Variants in PADI4 observed in about 807,000 individuals in gnomAD.
PADI4 encodes protein-arginine deiminase type-4.
Under a neutral mutation model 75.0 loss-of-function variants are expected in PADI4, and 62 were observed. The ratio of observed to expected loss-of-function variants is 0.83; its 90% CI spans 0.67 to 1.02. The LOEUF is 1.02. Ranked by LOEUF, PADI4 falls within the 50% of genes least tolerant of loss-of-function variation. The pLI is 0.00. For synonymous variants in PADI4, 361 were observed against 348.1 expected, an observed-to-expected ratio of 1.04 and a Z score of -0.41; for missense variants, 845 against 850.5, an observed-to-expected ratio of 0.99 and a Z score of 0.08.
intron 1 of PADI4, among the ~76,000 whole-genome samples, chr1:17,323,664 T>C (rs1341389087): frequency 2.0e-5 from 3 of 152,044 alleles, no homozygotes; most frequent in African/African-American, 7.2e-5. Context: ...CAAAACCCCA[T>C]CTCTACAAAA....
intron 10 of PADI4, among the ~76,000 whole-genome samples, chr1:17,350,077 A>G (rs934392236): frequency 3.2e-5 from 4 of 126,898 alleles, no homozygotes; most frequent in African/African-American, 5.1e-5. Context: ...CCCAACTCCT[A>G]GCCTTCTCCA....
rs375875562 is a variant in PADI4, at chr1:17,346,001, A to G, written c.936-27A>G. 9.1e-6 allele frequency: 13 copies of G among 1,427,316 alleles called. No individual in the cohort carries two copies. The African/African-American group carries it at 1.8e-4, about 20-fold the overall frequency. 88.4% of individuals were successfully genotyped at this position (1,427,316 alleles called of 1,614,324 possible). A position where few individuals can be genotyped will look rare whatever the true frequency, so the allele number is the denominator to read the frequency against. ...GCTGAGCTTCAAATTCCAGAGCACT[A>G]AGGAGCTGCTTTTCTGCTCTCTCTA... is the stretch of plus-strand genomic sequence containing the variant. On this transcript the variant is annotated intron_variant, in intron 8 of 15. Transcript: ENST00000375448. This position sits in a 1 kb window ranked among gnomAD's most constrained non-coding sequence, Gnocchi z 4.3.
intron 3 of PADI4, among the ~76,000 whole-genome samples, chr1:17,334,958 A>C (rs944577846): frequency 1.3e-5 from 2 of 152,058 alleles, no homozygotes; most frequent in South Asian, 4.1e-4. Context: ...CCTGGGCAAC[A>C]TAGTGAGATC....
At chr1:17,352,029 GTGA>G (rs151201340) in intron 10 of PADI4, among the ~76,000 whole-genome samples, 1 of 12,490 alleles carries the variant, frequency 8.0e-5, no homozygotes, top group African/African-American at 4.7e-4. Context: ...GGCCAGGGAG[GTGA>G]TGGGAGGAGA....
intron 15 of PADI4, among the ~76,000 whole-genome samples, chr1:17,360,256 A>C (rs1311192782): frequency 2.0e-5 from 3 of 150,378 alleles, no homozygotes; most frequent in Non-Finnish European, 3.0e-5. Context: ...ATGCTATTGC[A>C]CTCCAGCCTG....
In PADI4 at chr1:17,355,093, G is replaced by C. The variant is rs1459768798; in HGVS notation, c.1310+406G>C. ...TAGGAACTGTTAGGGTGACCAGGGA[G>C]GTCCTCTCTGGGGAAGGGGCTTTTG... On this transcript the variant is annotated intron_variant, in intron 11 of 15. Coordinates refer to ENST00000375448, the MANE Select transcript of PADI4 (RefSeq NM_012387.3). 3.3e-5 allele frequency among the ~76,000 whole-genome samples: 5 copies of C among 152,318 alleles called. No individual in the cohort carries two copies. The East Asian group carries it at 9.7e-4, about 29-fold the overall frequency.
At chr1:17,313,627 G>T (rs1395710826) in intron 1 of PADI4, among the ~76,000 whole-genome samples, 1 of 152,046 alleles carries the variant, frequency 6.6e-6, no homozygotes, top group Non-Finnish European at 1.5e-5. Flanking sequence ...AGTGAGTTTG[G>T]GGTCCTGAGA....
chr1:17,341,033 T>A (rs2074409437), intron 6 of PADI4, among the ~76,000 whole-genome samples: 1 of 151,458 alleles, frequency 6.6e-6, no homozygotes, highest in Non-Finnish European at 1.5e-5. Context: ...ACTCCTGACC[T>A]CAAATGATCC....
In PADI4 at chr1:17,360,190, C is replaced by T. The variant is rs60084208; in HGVS notation, c.1758+782C>T. On this transcript the variant is annotated intron_variant, in intron 15 of 15. Transcript: ENST00000375448. ...CCTGTAATCCCAACTACTTGAGAGG[C>T]GGAAGCAGGAGAATCACTTGAACCT... 4.3e-3 allele frequency among the ~76,000 whole-genome samples: 645 copies of T among 151,690 alleles called. 5 individuals carry two copies. Among genetic ancestry groups the T allele is most frequent in the African/African-American group, 0.015 (613 of 41,316 alleles).
intron 2 of PADI4, among the ~76,000 whole-genome samples, 153 bp downstream of exon 2, chr1:17,331,302 G>A (rs1379805851): frequency 6.6e-6 from 1 of 152,156 alleles, no homozygotes; most frequent in Non-Finnish European, 1.5e-5. Context: ...TAGTGTCCTT[G>A]GGGACAATAA....
At chr1:17,349,151 C>T (rs2074575533) in intron 10 of PADI4, among the ~76,000 whole-genome samples, 1 of 152,220 alleles carries the variant, frequency 6.6e-6, no homozygotes, top group Non-Finnish European at 1.5e-5. Context: ...CCTGTTTCAG[C>T]AGCGTTGGGG....
rs371711731 is a variant in PADI4, at chr1:17,346,956, C to CT, written c.1047+827dup. 1.4e-3 allele frequency among the ~76,000 whole-genome samples: 205 copies of CT among 149,710 alleles called. No homozygotes were observed. The highest frequency in any genetic ancestry group is 3.9e-3 in the African/African-American group (160 of 40,870). On this transcript the variant is annotated intron_variant, in intron 9 of 15. Transcript: ENST00000375448. This position sits in a 1 kb window ranked among gnomAD's most constrained non-coding sequence, Gnocchi z 4.3. ...TTCTTGCCATTCCATCTTTTCTTTT[C>CT]TTTTTTTTTTCACTCTTGTTGCCCA... is the stretch of plus-strand genomic sequence containing the variant.
intron 13 of PADI4, among the ~76,000 whole-genome samples, chr1:17,358,017 G>C (rs1325041511): frequency 6.6e-6 from 1 of 152,036 alleles, no homozygotes; most frequent in Non-Finnish European, 1.5e-5. Context: ...GGAGGCTGAG[G>C]CGGGTGGATC....
At chr1:17,363,315 G>T (rs1407852986) in intron 15 of PADI4, among the ~76,000 whole-genome samples, 5 of 151,628 alleles carry the variant, frequency 3.3e-5, no homozygotes, top group Non-Finnish European at 7.4e-5. Flanking sequence ...TAGAGATGGG[G>T]TCTCACCATG....
At position 17,354,595 on chromosome 1, in the gene PADI4, C is replaced by A; in HGVS notation, c.1218C>A (p.Ser406=). ...PQTGGISGLD[S]FGNLEVSPPV... ...CAGGGGGTATCAGTGGACTGGACTCCTTTGGGAACCTGGAAGTGAGCCCCC... is the reference window on the plus strand; with the variant it reads ...CAGGGGGTATCAGTGGACTGGACTCATTTGGGAACCTGGAAGTGAGCCCCC... Residue 406 remains serine (S), a synonymous_variant, in exon 11 of 16, where the codon TCC becomes TCA. Transcript: ENST00000375448. 1 of 1,614,126 alleles carries A rather than the reference C, an allele frequency of 6.2e-7. No homozygotes were observed.
intron 1 of PADI4, among the ~76,000 whole-genome samples, chr1:17,313,463 G>A (rs113971237): frequency 7.4e-5 from 9 of 121,352 alleles, no homozygotes; most frequent in African/African-American, 2.5e-4. Flanking sequence ...ATCATGCCAC[G>A]GTACTCCAGC....
At chr1:17,318,584 T>A (rs2073979634) in intron 1 of PADI4, among the ~76,000 whole-genome samples, 1 of 152,234 alleles carries the variant, frequency 6.6e-6, no homozygotes, top group African/African-American at 2.4e-5. Flanking sequence ...TCTTAATGTC[T>A]TGATCAGACT....
intron 5 of PADI4, 70 bp downstream of exon 5, chr1:17,338,225 G>C: frequency 7.7e-6 from 7 of 913,834 alleles, no homozygotes; most frequent in Non-Finnish European, 1.3e-5. Context: ...GCCTGAACCT[G>C]GTGACGGCCC....
chr1:17,360,731 C>T (rs2100261245), intron 15 of PADI4, among the ~76,000 whole-genome samples: 1 of 152,216 alleles, frequency 6.6e-6, no homozygotes, highest in South Asian at 2.1e-4. Context: ...AATCAACCAA[C>T]AAACACGACA....
Sources: allele counts gnomAD v4.1 joint callset (sites outside exome capture counted in the v4.1 genomes callset), GRCh38; gene constraint gnomAD v4.1.1; non-coding constraint Gnocchi (gnomAD v3.1); transcripts MANE v1.5; gene names NCBI Gene and HGNC (gene_info 2026-07-23, HGNC 2026-07-21).